Variants in XPR1 observed in about 807,000 individuals in gnomAD.
The protein encoded by XPR1 is xenotropic and polytropic retrovirus receptor 1, also known as solute carrier family 53 member 1.
A neutral mutation model predicts 87.5 loss-of-function variants in XPR1; 28 were observed. That is an observed-to-expected ratio of 0.32 (90% CI 0.24 to 0.44). The LOEUF (loss-of-function observed/expected upper bound fraction) is 0.44, where lower values mean the gene tolerates loss of function less well. Among genes scored for constraint, XPR1 ranks in the 20% least tolerant of loss-of-function variants. XPR1 has a pLI of 1.00. For missense variants in XPR1, 559 were observed against 862.3 expected, an observed-to-expected ratio of 0.65 and a Z score of 4.41; for synonymous variants, 300 against 306.1, an observed-to-expected ratio of 0.98 and a Z score of 0.21.
Position 180,880,277 on chromosome 1 carries a change from C to T in XPR1, c.2010C>T (p.Arg670=). Residue 670 remains arginine, a synonymous_variant, in exon 14 of 15, where the codon CGC becomes CGT. Transcript: ENST00000367590. The part of the protein sequence containing the change: ...SWKYNQSISL[R]RPRLASQSKA... Reference sequence around the variant, plus strand: ...AGTACAACCAGAGCATATCCCTGCGCCGGCCTCGCCTCGCTTCTCAGTATG... The same window carrying T: ...AGTACAACCAGAGCATATCCCTGCGTCGGCCTCGCCTCGCTTCTCAGTATG... 6.2e-7 allele frequency: 1 copy of T among 1,614,186 alleles called. No homozygotes were observed. Among genetic ancestry groups the T allele is most frequent in the Non-Finnish European group, 8.5e-7 (1 of 1,180,020 alleles).
At chr1:180,865,714 T>C (rs1652367388) in intron 12 of XPR1, among the ~76,000 whole-genome samples, 1 of 152,224 alleles carries the variant, frequency 6.6e-6, no homozygotes, top group African/African-American at 2.4e-5. Context: ...TGTATCTTTA[T>C]ATAAATGTTG....
In XPR1 at chr1:180,886,470, G is replaced by A. The variant is rs962916004; in HGVS notation, c.*2404G>A. The stretch of plus-strand genomic sequence containing the variant: ...GTGTTTTTACATTAATGTATCCTAT[G>A]GCCAGTTTAGTCTTTCTTCAACTGT... On this transcript the variant is annotated 3_prime_UTR_variant, in exon 15 of 15. Coordinates refer to ENST00000367590, the MANE Select transcript of XPR1 (RefSeq NM_004736.4). 1.3e-5 allele frequency: 2 copies of A among 152,182 alleles called. No individual in the cohort carries two copies. Among genetic ancestry groups the A allele is most frequent in the African/African-American group, 4.8e-5 (2 of 41,452 alleles). The allele number at this position is 152,182 out of a possible 1,614,324, so 9.4% of individuals were successfully genotyped here.
At chr1:180,661,292 A>G (rs1655765444) in intron 1 of XPR1, among the ~76,000 whole-genome samples, 1 of 151,906 alleles carries the variant, frequency 6.6e-6, no homozygotes, top group Admixed American at 6.6e-5. Context: ...AAAAAAAAAC[A>G]GGGTCTTGTT....
At chr1:180,772,771 C>G (rs1004553550) in intron 2 of XPR1, among the ~76,000 whole-genome samples, 1 of 152,224 alleles carries the variant, frequency 6.6e-6, no homozygotes, top group African/African-American at 2.4e-5. Context: ...TGCCTTTCAC[C>G]ATGATTGTGA....
At chr1:180,674,930 A>G (rs953097999) in intron 1 of XPR1, among the ~76,000 whole-genome samples, 1 of 152,122 alleles carries the variant, frequency 6.6e-6, no homozygotes, top group South Asian at 2.1e-4. Flanking sequence ...TCAGCAAAAC[A>G]CCATTTTTTT....
At chr1:180,658,723 C>T (rs1655626266) in intron 1 of XPR1, among the ~76,000 whole-genome samples, 1 of 149,190 alleles carries the variant, frequency 6.7e-6, no homozygotes. Context: ...CGCCACCATG[C>T]CCAGCTTTTT....
At chr1:180,656,425 ATT>A (rs1269237912) in intron 1 of XPR1, among the ~76,000 whole-genome samples, 1 of 42,536 alleles carries the variant, frequency 2.4e-5, no homozygotes, top group Non-Finnish European at 4.3e-5. Flanking sequence ...ATATATAAAT[ATT>A]TATATATTTA....
At chr1:180,784,731 G>T (rs995495956) in intron 2 of XPR1, among the ~76,000 whole-genome samples, 12 of 151,904 alleles carry the variant, frequency 7.9e-5, no homozygotes, top group Non-Finnish European at 1.3e-4. Flanking sequence ...CCCTATTGAT[G>T]TATAATTCAT....
At chr1:180,703,949 A>G (rs1332679397) in intron 2 of XPR1, among the ~76,000 whole-genome samples, 3 of 152,042 alleles carry the variant, frequency 2.0e-5, no homozygotes, top group Admixed American at 2.0e-4. Flanking sequence ...TCTGTTTGTT[A>G]GAGCTAATTT....
At position 180,824,613 on chromosome 1, in the gene XPR1, T is replaced by TA; in HGVS notation, c.764-140_764-139insA. On this transcript the variant is annotated intron_variant, in intron 7 of 14. Transcript: ENST00000367590. ...ATAGGTAGATAGATAGATAGATAGA[T>TA]GATAGATAATCTAGGTTTAGGTTTT... 4 of 695,052 alleles carry TA rather than the reference T, an allele frequency of 5.8e-6. No homozygotes were observed. In the South Asian group the frequency reaches 5.9e-5, roughly 10 times the overall value. The allele number at this position is 695,052 out of a possible 1,614,324, so 43.1% of individuals were successfully genotyped here.
At chr1:180,745,146 G>GGTTCAGAT (rs1414567529) in intron 2 of XPR1, among the ~76,000 whole-genome samples, 3 of 152,202 alleles carry the variant, frequency 2.0e-5, no homozygotes, top group Non-Finnish European at 4.4e-5. Context: ...TCTGTGGTGT[G>GGTTCAGAT]CTGCTTAGGT....
intron 2 of XPR1, among the ~76,000 whole-genome samples, chr1:180,693,746 T>A (rs745369478): frequency 6.6e-6 from 1 of 152,160 alleles, no homozygotes; most frequent in East Asian, 1.9e-4. Flanking sequence ...GTCCTTTGTC[T>A]GTCCTCTGGG....
chr1:180,652,519 G>A (rs989465757), intron 1 of XPR1, among the ~76,000 whole-genome samples: 3 of 152,208 alleles, frequency 2.0e-5, no homozygotes, highest in African/African-American at 7.2e-5. Context: ...GTGTGTCCAT[G>A]TGACTTTCCA....
At chr1:180,687,289 T>C (rs1394800148) in intron 2 of XPR1, among the ~76,000 whole-genome samples, 1 of 152,174 alleles carries the variant, frequency 6.6e-6, no homozygotes, top group Non-Finnish European at 1.5e-5. Flanking sequence ...TTCTTTCAGC[T>C]ATTATTAGAG....
At chr1:180,752,088 ATGAG>A (rs1242508565) in intron 2 of XPR1, among the ~76,000 whole-genome samples, 1 of 152,156 alleles carries the variant, frequency 6.6e-6, no homozygotes, top group African/African-American at 2.4e-5. Flanking sequence ...AGGAAATAGT[ATGAG>A]TGAAAATATG....
At chr1:180,836,079 C>CTTTTTTCT (rs1651277219) in intron 10 of XPR1, among the ~76,000 whole-genome samples, 1 of 152,108 alleles carries the variant, frequency 6.6e-6, no homozygotes, top group Admixed American at 6.5e-5. Flanking sequence ...TGAGAATAGA[C>CTTTTTTCT]TGGGCGCAGT....
At chr1:180,717,118 G>A (rs918242901) in intron 2 of XPR1, among the ~76,000 whole-genome samples, 1 of 152,046 alleles carries the variant, frequency 6.6e-6, no homozygotes, top group Non-Finnish European at 1.5e-5. Context: ...TCAGCCTCCC[G>A]AGTAGCTGGG....
chr1:180,832,906 A>G (rs1242794827), intron 9 of XPR1, among the ~76,000 whole-genome samples: 2 of 152,176 alleles, frequency 1.3e-5, no homozygotes, highest in Non-Finnish European at 1.5e-5. Context: ...AAGAAAATCA[A>G]TGGCAGTTTG....
At chr1:180,714,844 A>G (rs553431201) in intron 2 of XPR1, among the ~76,000 whole-genome samples, 15 of 139,584 alleles carry the variant, frequency 1.1e-4, no homozygotes, top group Admixed American at 7.5e-4. Context: ...TTGTTTGGCA[A>G]TTTTAATCAG....
Sources: gnomAD v4.1 joint callset for allele counts (sites outside exome capture counted in the v4.1 genomes callset) on GRCh38, gnomAD v4.1.1 for gene constraint, MANE v1.5 for transcripts, NCBI Gene and HGNC (gene_info 2026-07-23, HGNC 2026-07-21) for gene names.